Variants in LARP1B observed in about 807,000 individuals in gnomAD.
The protein encoded by LARP1B is la-related protein 1B.
A neutral mutation model predicts 114.2 loss-of-function variants in LARP1B; 76 were observed. The observed-to-expected ratio is 0.67, with a 90% CI of 0.55 to 0.81. LARP1B has a LOEUF of 0.81. LARP1B is among the 30% of genes least tolerant of loss of function. The probability of loss-of-function intolerance (pLI) is 0.00; values close to 1 mark genes in which losing one functional copy is unlikely to be tolerated. For synonymous variants in LARP1B, 345 were observed against 348.0 expected (o/e 0.99, Z 0.10); for missense variants, 1,014 against 1,075.8 (o/e 0.94, Z 0.80).
At chr4:128,219,968 C>T (rs549527500) in intron 6 of LARP1B, among the ~76,000 whole-genome samples, 11 of 152,278 alleles carry the variant, frequency 7.2e-5, no homozygotes, top group African/African-American at 2.6e-4. Context: ...TCACTGTAAC[C>T]TCTGTCTACC....
intron 11 of LARP1B, among the ~76,000 whole-genome samples, chr4:128,133,562 A>G (rs1792231225): frequency 6.6e-6 from 1 of 152,268 alleles, no homozygotes; most frequent in Admixed American, 6.5e-5. Context: ...TATTATTGAA[A>G]AAGAAGAAAT....
Position 128,121,873 on chromosome 4 carries a change from A to G in LARP1B, c.1209A>G (p.Ser403=). The G allele has an allele frequency of 6.2e-7, 1 of 1,610,040 alleles. No homozygotes were observed. Among genetic ancestry groups the G allele is most frequent in the Non-Finnish European group, 8.5e-7 (1 of 1,178,518 alleles). Residue 403 remains serine (S), a synonymous_variant, in exon 11 of 20, where the codon TCA becomes TCG. Coordinates refer to ENST00000326639, the MANE Select transcript of LARP1B (RefSeq NM_018078.4). ...GGTCATTAAATCAGCTATGTTCTTC[A>G]GAAGAACCAGAACAAGAAGAACTTG... is the stretch of plus-strand genomic sequence containing the variant. ...PEGSLNQLCS[S]EEPEQEELDF...
At chr4:128,062,002 GCCGCCACCGCCA>G (rs961012575) in intron 1 of LARP1B, 28 of 985,006 alleles carry the variant, frequency 2.8e-5, no homozygotes, top group Non-Finnish European at 3.1e-5. Context: ...TCGGCGGGGA[GCCGCCACCGCCA>G]CCGCCGCCGC....
intron 15 of LARP1B, among the ~76,000 whole-genome samples, chr4:128,193,007 A>C (rs1485647283): frequency 6.6e-6 from 1 of 151,982 alleles, no homozygotes; most frequent in Non-Finnish European, 1.5e-5. Context: ...ATTTTTAAAA[A>C]AATTTTTGTT....
intron 5 of LARP1B, among the ~76,000 whole-genome samples, chr4:128,083,902 AGACG>A (rs1320613426): frequency 1.4e-4 from 21 of 148,846 alleles, no homozygotes; most frequent in African/African-American, 5.2e-4. Context: ...CTCACTTCTC[AGACG>A]GGGCGGCTGC....
intron 11 of LARP1B, among the ~76,000 whole-genome samples, chr4:128,160,599 G>A (rs1738027206): frequency 6.6e-6 from 1 of 152,162 alleles, no homozygotes; most frequent in African/African-American, 2.4e-5. Flanking sequence ...TACACAACTT[G>A]TGTTTCCATC....
chr4:128,101,422 C>A (rs1780274810), intron 8 of LARP1B, among the ~76,000 whole-genome samples: 2 of 151,760 alleles, frequency 1.3e-5, no homozygotes, highest in Non-Finnish European at 2.9e-5. Flanking sequence ...TTGAAAATAA[C>A]ATAAAATAAT....
intron 5 of LARP1B, among the ~76,000 whole-genome samples, chr4:128,084,611 C>CGAGAGG (rs1205806917): frequency 1.3e-5 from 2 of 150,794 alleles, no homozygotes; most frequent in African/African-American, 4.9e-5. Flanking sequence ...AGAGGGAGAC[C>CGAGAGG]GAGAGGGAGA....
intron 9 of LARP1B, 73 bp downstream of exon 9, chr4:128,107,386 A>G: frequency 6.4e-7 from 1 of 1,551,716 alleles, no homozygotes. Flanking sequence ...TTATTTATTT[A>G]TTTTCAGTTT....
intron 8 of LARP1B, among the ~76,000 whole-genome samples, chr4:128,100,746 C>T (rs761595976): frequency 1.3e-5 from 2 of 150,766 alleles, no homozygotes; most frequent in Non-Finnish European, 3.0e-5. Context: ...GATACAAGTC[C>T]ATTATGTATT....
At chr4:128,141,322 C>T (rs1727995097) in intron 11 of LARP1B, among the ~76,000 whole-genome samples, 1 of 152,064 alleles carries the variant, frequency 6.6e-6, no homozygotes, top group Non-Finnish European at 1.5e-5. Flanking sequence ...ATTTCCTGGT[C>T]CACTATCTCA....
Position 128,210,000 on chromosome 4 carries a change from A to G in LARP1B, c.2692A>G (p.Ile898Val), listed in dbSNP as rs1758691744. 6.2e-6 allele frequency: 10 copies of G among 1,614,152 alleles called. No individual in the cohort carries two copies. The highest frequency in any genetic ancestry group is 8.5e-6 in the Non-Finnish European group (10 of 1,180,006). Reference sequence around the variant, plus strand: ...ATCTACCAGTGAGCTTCAGGTACCAATAAACTCTCCCAGAAGGAATATTTC... The same window carrying G: ...ATCTACCAGTGAGCTTCAGGTACCAGTAAACTCTCCCAGAAGGAATATTTC... ...PTSTSELQVP[I>V]NSPRRNISPE... Residue 898 changes from isoleucine (I) to valine (V), a missense_variant, in exon 20 of 20, where the codon ATA (isoleucine) becomes GTA (valine). Transcript: ENST00000326639.
intron 5 of LARP1B, among the ~76,000 whole-genome samples, chr4:128,089,434 CAGG>C (rs1774973944): frequency 6.6e-6 from 1 of 152,040 alleles, no homozygotes; most frequent in Non-Finnish European, 1.5e-5. Flanking sequence ...CTCCCAGGTT[CAGG>C]TGATTCTCCT....
chr4:128,196,592 G>A (rs916018301), intron 15 of LARP1B, among the ~76,000 whole-genome samples: 1 of 149,934 alleles, frequency 6.7e-6, no homozygotes, highest in African/African-American at 2.4e-5. Context: ...AGGAATTTTT[G>A]TTTTCTGTTT....
chr4:128,079,886 G>T (rs760591123), intron 4 of LARP1B, among the ~76,000 whole-genome samples: 1 of 151,502 alleles, frequency 6.6e-6, no homozygotes, highest in East Asian at 2.0e-4. Context: ...TAACTACTTC[G>T]TCACTTAACT....
chr4:128,195,204 C>T (rs953113396), intron 15 of LARP1B, among the ~76,000 whole-genome samples: 2 of 152,112 alleles, frequency 1.3e-5, no homozygotes, highest in African/African-American at 4.8e-5. Flanking sequence ...AAGTCCTAGG[C>T]TTATTGATAG....
intron 11 of LARP1B, among the ~76,000 whole-genome samples, chr4:128,158,028 C>A (rs1736627917): frequency 6.6e-6 from 1 of 152,118 alleles, no homozygotes. Context: ...TCTATTTACT[C>A]TATCAGGCAA....
chr4:128,131,275 T>C (rs544294312), intron 11 of LARP1B, among the ~76,000 whole-genome samples: 1 of 152,246 alleles, frequency 6.6e-6, no homozygotes, highest in East Asian at 1.9e-4. Flanking sequence ...TACTTTCTGC[T>C]TGGTTTTGCT....
At chr4:128,104,409 G>A (rs1156897484) in intron 8 of LARP1B, among the ~76,000 whole-genome samples, 1 of 152,038 alleles carries the variant, frequency 6.6e-6, no homozygotes, top group African/African-American at 2.4e-5. Context: ...TTTTTCCATT[G>A]TATGAATATA....
Sources: gnomAD v4.1 joint callset for allele counts (sites outside exome capture counted in the v4.1 genomes callset) on GRCh38, gnomAD v4.1.1 for gene constraint, MANE v1.5 for transcripts, NCBI Gene and HGNC (gene_info 2026-07-23, HGNC 2026-07-21) for gene names.